The following ANKRD17 variants were observed in gnomAD, a reference collection of about 807,000 sequenced individuals.
ANKRD17 encodes the protein ankyrin repeat domain-containing protein 17.
In ANKRD17, 19 loss-of-function variants were observed where a neutral mutation model predicts 229.7. The observed-to-expected ratio is 0.08, with a 90% CI of 0.06 to 0.12. The LOEUF (loss-of-function observed/expected upper bound fraction) is 0.12. Among genes scored for constraint, ANKRD17 ranks in the 10% least tolerant of loss-of-function variants. The pLI, the probability that ANKRD17 is intolerant of heterozygous loss-of-function variation, is 1.00. For synonymous variants in ANKRD17, 1,112 were observed against 1,146.1 expected (o/e 0.97, Z 0.60); for missense variants, 2,176 against 3,176.8 (o/e 0.68, Z 7.57).
At chr4:73,103,808 T>G (rs1724280291) in intron 24 of ANKRD17, among the ~76,000 whole-genome samples, 1 of 149,978 alleles carries the variant, frequency 6.7e-6, no homozygotes, top group Non-Finnish European at 1.5e-5. Context: ...CTGTCCTGCC[T>G]TTCAAATTAA....
At chr4:73,131,717 T>G (rs980512926) in intron 16 of ANKRD17, among the ~76,000 whole-genome samples, 1 of 152,182 alleles carries the variant, frequency 6.6e-6, no homozygotes, top group Non-Finnish European at 1.5e-5. Flanking sequence ...TTGGGCAAGG[T>G]AGTTAATATC....
intron 23 of ANKRD17, among the ~76,000 whole-genome samples, chr4:73,114,730 G>T (rs1245112018): frequency 6.6e-6 from 1 of 152,118 alleles, no homozygotes; most frequent in East Asian, 1.9e-4. Context: ...AATTGTCATG[G>T]ACAAGTCTAG....
intron 11 of ANKRD17, among the ~76,000 whole-genome samples, chr4:73,143,208 A>AT (rs1729822735): frequency 1.3e-5 from 2 of 152,076 alleles, no homozygotes; most frequent in African/African-American, 2.4e-5. Flanking sequence ...GAATAGTACC[A>AT]TTTTTTTTCC....
intron 10 of ANKRD17, among the ~76,000 whole-genome samples, chr4:73,145,707 C>T (rs1364968211): frequency 6.6e-6 from 1 of 151,188 alleles, no homozygotes; most frequent in African/African-American, 2.5e-5. Flanking sequence ...TGAAGAAGCT[C>T]TAAGTCTAAC....
chr4:73,187,698 T>C (rs1239937729), intron 1 of ANKRD17, among the ~76,000 whole-genome samples: 1 of 152,218 alleles, frequency 6.6e-6, no homozygotes, highest in Non-Finnish European at 1.5e-5. Context: ...CGTCATTCCT[T>C]CCTTGCTTTG....
In ANKRD17 at chr4:73,076,324, A is replaced by G. The variant is rs140639695; in HGVS notation, c.7753-34T>C. On this transcript the variant is annotated intron_variant, in intron 33 of 33. Coordinates refer to ENST00000358602, the MANE Select transcript of ANKRD17 (RefSeq NM_032217.5). Reference sequence around the variant, plus strand: ...ATAGAGCATGCATTTTACAAAATATATATCTAGCATATATTTTATTAAAAT... The same window carrying G: ...ATAGAGCATGCATTTTACAAAATATGTATCTAGCATATATTTTATTAAAAT... 303 of 1,471,246 alleles carry G rather than the reference A, an allele frequency of 2.1e-4. No individual in the cohort carries two copies. The East Asian group carries it at 7.0e-3, about 34-fold the overall frequency. The allele number at this position is 1,471,246 out of a possible 1,614,324, so 91.1% of individuals were successfully genotyped here. A position where few individuals can be genotyped will look rare whatever the true frequency, so the allele number is the denominator to read the frequency against.
At chr4:73,115,708 G>C in intron 23 of ANKRD17, 113 bp downstream of exon 23, 2 of 736,800 alleles carry the variant, frequency 2.7e-6, no homozygotes, top group Non-Finnish European at 2.2e-6. Context: ...CCAAATACTA[G>C]ATAAATGAAA....
chr4:73,147,444 A>T lies in ANKRD17; in HGVS notation c.1568-12T>A. On this transcript the variant is annotated splice_polypyrimidine_tract_variant and intron_variant, in intron 8 of 33. Coordinates refer to ENST00000358602, the MANE Select transcript of ANKRD17 (RefSeq NM_032217.5). ...ATTGATATTTGCTCCTAAAATAAAG[A>T]TTCTAATTATTTAAAGAAAGTCATT... The T allele has an allele frequency of 2.0e-6, 3 of 1,507,594 alleles. No individual in the cohort carries two copies. The highest frequency in any genetic ancestry group is 1.4e-5 in the South Asian group (1 of 72,790). 93.4% of individuals were successfully genotyped at this position (1,507,594 alleles called of 1,614,324 possible).
At position 73,101,110 on chromosome 4, in the gene ANKRD17, CCAT is replaced by C. The variant is rs1302401734; in HGVS notation, c.4573+1263_4573+1265del. 4.8e-6 allele frequency: 4 copies of C among 834,416 alleles called. No homozygotes were observed. In the Admixed American group the frequency reaches 1.9e-4, roughly 39 times the overall value. 51.7% of individuals were successfully genotyped at this position (834,416 alleles called of 1,614,324 possible). A position where few individuals can be genotyped will look rare whatever the true frequency, so the allele number is the denominator to read the frequency against. ...GCATAATTTTTATGCAAATATTACA[CCAT>C]GTTATATAAAGACTTGAGTATCTGA... is the stretch of plus-strand genomic sequence containing the variant. On this transcript the variant is annotated intron_variant, in intron 25 of 33. Transcript: ENST00000358602.
At chr4:73,255,761 T>C (rs766615877) in intron 1 of ANKRD17, among the ~76,000 whole-genome samples, 107 of 152,250 alleles carry the variant, frequency 7.0e-4, no homozygotes, top group Non-Finnish European at 8.2e-4. Flanking sequence ...CTCGTTCTTG[T>C]TGCCCAGGCT....
chr4:73,094,813 C>G (rs1723131258), intron 27 of ANKRD17, among the ~76,000 whole-genome samples: 1 of 151,712 alleles, frequency 6.6e-6, no homozygotes, highest in Non-Finnish European at 1.5e-5. Context: ...CTTGTGGGCC[C>G]CTTTTGGTGC....
In ANKRD17 at chr4:73,088,842, G is replaced by T. The variant is rs975815588; in HGVS notation, c.6961+1825C>A. 9.2e-5 allele frequency among the ~76,000 whole-genome samples: 14 copies of T among 151,940 alleles called. No individual in the cohort carries two copies. The South Asian group carries it at 2.5e-3, about 27-fold the overall frequency. On this transcript the variant is annotated intron_variant, in intron 29 of 33. Coordinates refer to ENST00000358602, the MANE Select transcript of ANKRD17 (RefSeq NM_032217.5). ...TTCCAATAACACAGATAACGAGTTG[G>T]CAACCAAGAGCCAAATACCAAATAT... is the stretch of plus-strand genomic sequence containing the variant.
chr4:73,258,366 GCCGCCT>G lies in ANKRD17; in HGVS notation c.297_302del (p.Gly109_Gly110del). 6.4e-7 allele frequency: 1 copy of G among 1,565,350 alleles called. No individual in the cohort carries two copies. The highest frequency in any genetic ancestry group is 8.7e-7 in the Non-Finnish European group (1 of 1,149,548). Reference sequence around the variant, plus strand: ...CGCCGCCGCCACCTCCGCCTCCACCGCCGCCTCCACCGCCGCCGCTGTTGTCGCTGT... The same window carrying G: ...CGCCGCCGCCACCTCCGCCTCCACCGCCACCGCCGCCGCTGTTGTCGCTGT... On this transcript the variant is annotated inframe_deletion, in exon 1 of 34. Transcript: ENST00000358602.
chr4:73,112,690 A>T, intron 24 of ANKRD17: 1 of 763,572 alleles, frequency 1.3e-6, no homozygotes, highest in South Asian at 6.1e-5. Flanking sequence ...GAATGTAGCT[A>T]ACAAGTCAAA....
rs374501403 is a variant in ANKRD17, at chr4:73,085,268, C to G, written c.7140G>C (p.Pro2380=). 62 of 1,613,938 alleles carry G rather than the reference C, an allele frequency of 3.8e-5. No individual in the cohort carries two copies. The highest frequency in any genetic ancestry group is 4.7e-5 in the Non-Finnish European group (56 of 1,179,992). ...ACTCACCATTTGATGCTGATGAACA[C>G]GGAGTCAACAAACTAAGCGGGGAAA... ...QHFSPLSLLT[P]CSSASNDSSA... The change falls in exon 30 of 34, where the codon CCG becomes CCC. Residue 2380 remains proline, a synonymous_variant. Transcript: ENST00000358602.
chr4:73,173,986 C>A (rs1291395173), intron 2 of ANKRD17, among the ~76,000 whole-genome samples: 1 of 151,650 alleles, frequency 6.6e-6, no homozygotes, highest in Non-Finnish European at 1.5e-5. Context: ...AAATGGGAAT[C>A]CTCCCTAAAT....
At chr4:73,082,063 T>C (rs1028546469) in intron 30 of ANKRD17, among the ~76,000 whole-genome samples, 1 of 150,782 alleles carries the variant, frequency 6.6e-6, no homozygotes, top group African/African-American at 2.4e-5. Context: ...GGCAGGAAGA[T>C]TGCTTGAGCC....
chr4:73,185,238 T>C (rs1006916188), intron 1 of ANKRD17, among the ~76,000 whole-genome samples: 2 of 151,572 alleles, frequency 1.3e-5, no homozygotes, highest in Non-Finnish European at 2.9e-5. Flanking sequence ...ATTATTGTTT[T>C]TGTTGTTCTG....
chr4:73,084,494 G>C (rs990926015), intron 30 of ANKRD17, among the ~76,000 whole-genome samples: 1 of 149,540 alleles, frequency 6.7e-6, no homozygotes, highest in African/African-American at 2.5e-5. Context: ...TGTTGCCCAG[G>C]CTGGAGTGCA....
Sources: allele counts gnomAD v4.1 joint callset (sites outside exome capture counted in the v4.1 genomes callset), GRCh38; gene constraint gnomAD v4.1.1; transcripts MANE v1.5; gene names NCBI Gene and HGNC (gene_info 2026-07-23, HGNC 2026-07-21).